PKIB: variants seen among roughly 807,000 people sequenced by gnomAD.
PKIB encodes cAMP-dependent protein kinase inhibitor beta.
PKIB carries 2 observed loss-of-function variants against 4.5 expected under a neutral mutation model. The observed-to-expected ratio is 0.44, with a 90% confidence interval of 0.18 to 1.39. PKIB has a LOEUF of 1.39. Among genes scored for constraint, PKIB ranks in the 40% most tolerant of loss-of-function variants. The pLI, the probability that PKIB is intolerant of heterozygous loss-of-function variation, is 0.27. For missense variants in PKIB, 94 were observed against 92.6 expected (o/e 1.02, Z -0.06); for synonymous variants, 38 against 36.0 (o/e 1.06, Z -0.20).
chr6:122,511,579 T>C (rs1007207139), intron 2 of PKIB, among the ~76,000 whole-genome samples: 3 of 152,154 alleles, frequency 2.0e-5, no homozygotes, highest in Non-Finnish European at 2.9e-5. Context: ...GTACCCGAAC[T>C]CTAGTGGTGA....
At chr6:122,644,459 T>G (rs1776235555) in intron 2 of PKIB, 1 of 152,220 alleles carries the variant, frequency 6.6e-6, no homozygotes, top group Non-Finnish European at 1.5e-5. Flanking sequence ...AGTCTTACTT[T>G]TGTCATTTAT....
chr6:122,552,521 T>C (rs1014715891), intron 2 of PKIB, among the ~76,000 whole-genome samples: 1 of 151,968 alleles, frequency 6.6e-6, no homozygotes, highest in African/African-American at 2.4e-5. Context: ...GGATTACAGG[T>C]GTGTGCCACC....
At chr6:122,569,532 C>T (rs1773295170) in intron 2 of PKIB, among the ~76,000 whole-genome samples, 1 of 152,132 alleles carries the variant, frequency 6.6e-6, no homozygotes, top group Non-Finnish European at 1.5e-5. Context: ...CTTGAGAAAG[C>T]CAGCACACTA....
chr6:122,638,686 C>A (rs550075250), intron 2 of PKIB, among the ~76,000 whole-genome samples: 2 of 152,320 alleles, frequency 1.3e-5, no homozygotes, highest in African/African-American at 2.4e-5. Flanking sequence ...CTCTTTTTAT[C>A]CATCCACCTT....
At chr6:122,703,941 T>TATAGAGAG (rs1314978431) in intron 3 of PKIB, among the ~76,000 whole-genome samples, 5 of 90,772 alleles carry the variant, frequency 5.5e-5, no homozygotes. Flanking sequence ...TATATATATA[T>TATAGAGAG]AGAGAGAGAG....
At chr6:122,560,035 CT>C (rs1478182245) in intron 2 of PKIB, among the ~76,000 whole-genome samples, 2 of 152,138 alleles carry the variant, frequency 1.3e-5, no homozygotes, top group African/African-American at 4.8e-5. Flanking sequence ...CCCTTTATTT[CT>C]TTCTCTTGTT....
At chr6:122,574,781 A>C (rs1227449135) in intron 2 of PKIB, among the ~76,000 whole-genome samples, 1 of 152,196 alleles carries the variant, frequency 6.6e-6, no homozygotes, top group Non-Finnish European at 1.5e-5. Flanking sequence ...TCTAAGACCT[A>C]AAATCATAAC....
At chr6:122,555,727 T>G (rs1005777506) in intron 2 of PKIB, among the ~76,000 whole-genome samples, 1 of 152,226 alleles carries the variant, frequency 6.6e-6, no homozygotes, top group African/African-American at 2.4e-5. Context: ...CTTATCTTAG[T>G]GTTCTGCTTT....
At chr6:122,629,368 T>C (rs1775595113) in intron 1 of PKIB, among the ~76,000 whole-genome samples, 1 of 152,190 alleles carries the variant, frequency 6.6e-6, no homozygotes, top group Non-Finnish European at 1.5e-5. Flanking sequence ...TATTGGATTA[T>C]AATCCAAAGT....
intron 2 of PKIB, among the ~76,000 whole-genome samples, chr6:122,550,390 A>C (rs1400555030): frequency 6.6e-6 from 1 of 152,184 alleles, no homozygotes; most frequent in Non-Finnish European, 1.5e-5. Context: ...TATTGCTTAA[A>C]TTATTATGAA....
intron 2 of PKIB, among the ~76,000 whole-genome samples, chr6:122,560,716 G>A (rs997646841): frequency 6.6e-5 from 10 of 151,808 alleles, no homozygotes; most frequent in African/African-American, 1.7e-4. Flanking sequence ...TTTTAATCTC[G>A]CTGCTTGTTA....
rs199865336 is a variant in PKIB at position 122,562,002 on chromosome 6, TTG to T, written c.-247-23917_-247-23916del. Among the ~76,000 whole-genome samples, 121 of 131,198 alleles carry T rather than the reference TTG, an allele frequency of 9.2e-4. 8 individuals carry two copies. The highest frequency in any genetic ancestry group is 3.8e-3 in the Middle Eastern group (1 of 260). The allele number at this position is 131,198 out of a possible 152,430, so 86.1% of individuals were successfully genotyped here. ...TTTTTTTGTTTGTTTTTGTTTTTTT[TTG>T]TTTTTTTTTTTTTTTGCTTTTTAAC... On this transcript the variant is annotated intron_variant, in intron 2 of 6. Transcript: ENST00000392491.
chr6:122,600,974 G>A (rs1044927693), intron 3 of PKIB, among the ~76,000 whole-genome samples: 5 of 151,610 alleles, frequency 3.3e-5, no homozygotes, highest in African/African-American at 7.3e-5. Flanking sequence ...ATAGAGATAC[G>A]GAAGATATGG....
intron 3 of PKIB, among the ~76,000 whole-genome samples, chr6:122,694,220 T>C (rs1778468323): frequency 6.6e-6 from 1 of 151,436 alleles, no homozygotes; most frequent in African/African-American, 2.4e-5. Context: ...TCTCAAACTG[T>C]GTGACCACAG....
rs146743873 is a variant in PKIB, at chr6:122,648,386, A to G, written c.-76+15019A>G. ...CAAGCACCACATATTGAGCACATAC[A>G]TATTTAGATTTAGAACATATACAGC... is the stretch of plus-strand genomic sequence containing the variant. On this transcript the variant is annotated intron_variant, in intron 2 of 4. Transcript: ENST00000368452. 1.3e-3 allele frequency among the ~76,000 whole-genome samples: 192 copies of G among 152,284 alleles called. 1 individual carries two copies. The highest frequency in any genetic ancestry group is 4.5e-3 in the African/African-American group (187 of 41,566).
At chr6:122,594,140 T>C (rs2114729164) in intron 3 of PKIB, among the ~76,000 whole-genome samples, 1 of 152,092 alleles carries the variant, frequency 6.6e-6, no homozygotes, top group South Asian at 2.1e-4. Context: ...AAGTTAACAA[T>C]ACTTAAATGC....
chr6:122,669,611 G>A (rs1163431059), intron 2 of PKIB, among the ~76,000 whole-genome samples: 1 of 151,994 alleles, frequency 6.6e-6, no homozygotes, highest in Non-Finnish European at 1.5e-5. Context: ...CAAAATTGCT[G>A]ACATTTCTAT....
At chr6:122,519,072 A>C (rs552124102) in intron 2 of PKIB, among the ~76,000 whole-genome samples, 1 of 152,298 alleles carries the variant, frequency 6.6e-6, no homozygotes, top group Admixed American at 6.5e-5. Flanking sequence ...TAGGGGTACC[A>C]GTCCGTGGGC....
chr6:122,672,481 A>G (rs1226845453), intron 2 of PKIB, among the ~76,000 whole-genome samples: 3 of 152,162 alleles, frequency 2.0e-5, no homozygotes, highest in Admixed American at 6.5e-5. Flanking sequence ...AAGGGTATCA[A>G]TACACCTTGA....
Sources: allele counts gnomAD v4.1 joint callset (sites outside exome capture counted in the v4.1 genomes callset), GRCh38; gene constraint gnomAD v4.1.1; transcripts MANE v1.5; gene names NCBI Gene and HGNC (gene_info 2026-07-23, HGNC 2026-07-21).